AP1S3: variants seen among roughly 807,000 people sequenced by gnomAD.
AP1S3 encodes the protein adaptor related protein complex 1 subunit sigma 3, also known as AP-1 complex subunit sigma-3.
Under a neutral mutation model 20.9 loss-of-function variants are expected in AP1S3, and 10 were observed. That is an observed-to-expected ratio of 0.48 (90% CI 0.29 to 0.81). The LOEUF (loss-of-function observed/expected upper bound fraction) is 0.81, where lower values mean the gene tolerates loss of function less well. Ranked by LOEUF, AP1S3 falls within the 30% of genes least tolerant of loss-of-function variation. The probability of loss-of-function intolerance (pLI) is 0.08; values close to 1 mark genes in which losing one functional copy is unlikely to be tolerated. For synonymous variants in AP1S3, 41 were observed against 61.5 expected, an observed-to-expected ratio of 0.67 and a Z score of 1.56; for missense variants, 154 against 183.8, an observed-to-expected ratio of 0.84 and a Z score of 0.94.
chr2:223,817,031 A>G (rs1018721082), intron 1 of AP1S3, among the ~76,000 whole-genome samples: 1 of 152,202 alleles, frequency 6.6e-6, no homozygotes, highest in Non-Finnish European at 1.5e-5. Context: ...AGGCTGAGGC[A>G]GGAGAATCAC....
At chr2:223,836,224 T>A (rs1692391305) in intron 1 of AP1S3, among the ~76,000 whole-genome samples, 4 of 152,078 alleles carry the variant, frequency 2.6e-5, no homozygotes, top group Admixed American at 2.6e-4. Flanking sequence ...TGGGAAGTGG[T>A]AACACACTTG....
At chr2:223,794,376 CAAAA>C (rs1301011482) in intron 1 of AP1S3, among the ~76,000 whole-genome samples, 1 of 151,912 alleles carries the variant, frequency 6.6e-6, no homozygotes, top group Non-Finnish European at 1.5e-5. Context: ...AAATATAAAA[CAAAA>C]TAAATTATCC....
rs575986434 is a variant in AP1S3, at chr2:223,766,027, A to C, written c.292-677T>G. Among the ~76,000 whole-genome samples the C allele has an allele frequency of 2.6e-5, 4 of 152,262 alleles. No individual in the cohort carries two copies. The South Asian group carries it at 6.2e-4, about 24-fold the overall frequency. On this transcript the variant is annotated intron_variant, in intron 3 of 4. Transcript: ENST00000396654. ...TCTGATAGATTTTGGTGTTTATTTA[A>C]GTGTAGCAAGTATGGCAAGATCACT... is the stretch of plus-strand genomic sequence containing the variant.
rs576064848 is a variant in AP1S3 at position 223,782,001 on chromosome 2, G to A, written c.4-4132C>T. ...AACTAACTTCACTGATTTGGAGATA[G>A]GCTTTAAGTCTTTTTTTTTTTTTTT... is the stretch of plus-strand genomic sequence containing the variant. On this transcript the variant is annotated intron_variant, in intron 1 of 4. Transcript: ENST00000396654. 2.7e-5 allele frequency among the ~76,000 whole-genome samples: 4 copies of A among 150,786 alleles called. No homozygotes were observed. The South Asian group carries it at 6.3e-4, about 24-fold the overall frequency.
In AP1S3 at chr2:223,757,951, G is replaced by A. The variant is rs1303251761; in HGVS notation, c.*764C>T. 1 of 965,158 alleles carries A rather than the reference G, an allele frequency of 1.0e-6. No individual in the cohort carries two copies. The highest frequency in any genetic ancestry group is 1.2e-6 in the Non-Finnish European group (1 of 811,738). 59.8% of individuals were successfully genotyped at this position (965,158 alleles called of 1,614,324 possible). A position where few individuals can be genotyped will look rare whatever the true frequency, so the allele number is the denominator to read the frequency against. On this transcript the variant is annotated 3_prime_UTR_variant, in exon 5 of 5. Coordinates refer to ENST00000396654, the MANE Select transcript of AP1S3 (RefSeq NM_001039569.2). Reference sequence around the variant, plus strand: ...ATCATACTATTTTAGAATAATAAAGGAAGTCATAGATGCTGTATCTCTAGG... The same window carrying A: ...ATCATACTATTTTAGAATAATAAAGAAAGTCATAGATGCTGTATCTCTAGG...
intron 1 of AP1S3, among the ~76,000 whole-genome samples, chr2:223,780,339 AGAGAGAGAGAGAGAGAGAGTGTGTGT>A (rs1690906492): frequency 4.0e-5 from 5 of 124,550 alleles, no homozygotes; most frequent in African/African-American, 1.7e-4. Context: ...AGAGAGAGAG[AGAGAGAGAGAGAGAGAGAGTGTGTGT>A]GTGTGTGTGT....
intron 3 of AP1S3, among the ~76,000 whole-genome samples, chr2:223,768,957 A>G (rs956962539): frequency 6.6e-6 from 1 of 152,244 alleles, no homozygotes; most frequent in Non-Finnish European, 1.5e-5. Context: ...ATAACTTTGC[A>G]TGAAATAGAT....
chr2:223,778,547 A>G (rs766217211), intron 1 of AP1S3, among the ~76,000 whole-genome samples: 1 of 152,220 alleles, frequency 6.6e-6, no homozygotes, highest in Non-Finnish European at 1.5e-5. Context: ...AAGTGTTAAG[A>G]ACAACAGAAG....
At chr2:223,762,059 GC>G (rs897467500) in intron 4 of AP1S3, among the ~76,000 whole-genome samples, 1 of 151,546 alleles carries the variant, frequency 6.6e-6, no homozygotes, top group African/African-American at 2.4e-5. Flanking sequence ...TGCAACCTCC[GC>G]CCCCTGGGTT....
chr2:223,827,121 T>TA lies in AP1S3; in HGVS notation c.3+10326_3+10327insT, dbSNP rs1692146368. 3.9e-5 allele frequency among the ~76,000 whole-genome samples: 6 copies of TA among 152,176 alleles called. No individual in the cohort carries two copies. The South Asian group carries it at 1.2e-3, about 32-fold the overall frequency. On this transcript the variant is annotated intron_variant, in intron 1 of 4. Coordinates refer to ENST00000396654, the MANE Select transcript of AP1S3 (RefSeq NM_001039569.2). ...TCTGCCTTATTGTATATTCAAGTCTTGCCCTTCCCCCATAGTTTTTGCAAA... is the reference window on the plus strand; with the variant it reads ...TCTGCCTTATTGTATATTCAAGTCTTAGCCCTTCCCCCATAGTTTTTGCAAA...
At chr2:223,797,976 A>G (rs1347931855) in intron 1 of AP1S3, among the ~76,000 whole-genome samples, 2 of 152,026 alleles carry the variant, frequency 1.3e-5, no homozygotes, top group Admixed American at 1.3e-4. Context: ...GAGACTACCT[A>G]TTTGAGGAAG....
intron 1 of AP1S3, among the ~76,000 whole-genome samples, chr2:223,809,788 G>A (rs1324038050): frequency 5.3e-5 from 8 of 150,630 alleles, no homozygotes; most frequent in Admixed American, 3.3e-4. Flanking sequence ...GAATGCAGTG[G>A]CGCGATCTCA....
intron 4 of AP1S3, 47 bp from the exon 5 acceptor site, chr2:223,758,797 C>G (rs749600722): frequency 1.6e-5 from 24 of 1,506,616 alleles, no homozygotes; most frequent in Non-Finnish European, 2.1e-5. Context: ...TAAGTCACAG[C>G]CTTCCGCAGA....
At chr2:223,784,289 C>G (rs557607794) in intron 1 of AP1S3, among the ~76,000 whole-genome samples, 106 of 152,188 alleles carry the variant, frequency 7.0e-4, no homozygotes, top group African/African-American at 2.5e-3. Flanking sequence ...CACCACCATG[C>G]CCCCATATTC....
intron 1 of AP1S3, among the ~76,000 whole-genome samples, chr2:223,778,429 T>C (rs1690843873): frequency 6.6e-6 from 1 of 151,872 alleles, no homozygotes; most frequent in Non-Finnish European, 1.5e-5. Flanking sequence ...CCTGGCTTTA[T>C]TGTAATTCTT....
intron 1 of AP1S3, among the ~76,000 whole-genome samples, chr2:223,822,987 A>G (rs1207923950): frequency 2.0e-5 from 3 of 152,186 alleles, no homozygotes; most frequent in Admixed American, 6.6e-5. Flanking sequence ...TATGGGGAAA[A>G]AAATGCTCAG....
intron 1 of AP1S3, among the ~76,000 whole-genome samples, chr2:223,831,696 G>A (rs549529623): frequency 3.3e-5 from 5 of 152,312 alleles, no homozygotes; most frequent in Non-Finnish European, 7.4e-5. Context: ...CAGAACCACA[G>A]TGAAGTTTCA....
chr2:223,812,498 A>T (rs6757973), intron 1 of AP1S3, among the ~76,000 whole-genome samples: 50,472 of 152,122 alleles, frequency 0.33, 8,765 homozygotes, highest in Middle Eastern at 0.43. Context: ...CTGGGATTAC[A>T]GGTGTGAGCC....
intron 1 of AP1S3, among the ~76,000 whole-genome samples, chr2:223,806,055 G>A (rs370116890): frequency 2.0e-5 from 3 of 151,986 alleles, no homozygotes; most frequent in Non-Finnish European, 4.4e-5. Context: ...TAAATATAAC[G>A]CCAAACTTGG....
Sources: gnomAD v4.1 joint callset for allele counts (sites outside exome capture counted in the v4.1 genomes callset) on GRCh38, gnomAD v4.1.1 for gene constraint, MANE v1.5 for transcripts, NCBI Gene and HGNC (gene_info 2026-07-23, HGNC 2026-07-21) for gene names.